The following ACYP2 variants were observed in gnomAD, a reference collection of about 807,000 sequenced individuals.
ACYP2 encodes acylphosphatase-2.
In ACYP2, 12 loss-of-function variants were observed where a neutral mutation model predicts 11.2. The ratio of observed to expected loss-of-function variants is 1.08; its 90% confidence interval spans 0.69 to 1.74. The LOEUF (loss-of-function observed/expected upper bound fraction) is 1.74, where lower values mean the gene tolerates loss of function less well. Ranked by LOEUF, ACYP2 falls within the 40% of genes most tolerant of loss-of-function variation. The pLI, the probability that ACYP2 is intolerant of heterozygous loss-of-function variation, is 0.00. For synonymous variants in ACYP2, 43 were observed against 32.2 expected, an observed-to-expected ratio of 1.33 and a Z score of -1.13; for missense variants, 134 against 101.9, an observed-to-expected ratio of 1.31 and a Z score of -1.35.
At chr2:54,272,838 C>A (rs1325601339) in intron 6 of ACYP2, among the ~76,000 whole-genome samples, 1 of 152,194 alleles carries the variant, frequency 6.6e-6, no homozygotes, top group African/African-American at 2.4e-5. Context: ...GCTTTTCCTA[C>A]AAGAGAGACT....
chr2:54,270,359 C>T (rs569180875), intron 6 of ACYP2, among the ~76,000 whole-genome samples: 1 of 152,276 alleles, frequency 6.6e-6, no homozygotes, highest in Non-Finnish European at 1.5e-5. Flanking sequence ...CTCTTTAATG[C>T]ACTATGATCT....
At chr2:54,183,680 A>T (rs1683843980) in intron 6 of ACYP2, among the ~76,000 whole-genome samples, 1 of 152,236 alleles carries the variant, frequency 6.6e-6, no homozygotes, top group African/African-American at 2.4e-5. Context: ...AATGTGAAAT[A>T]TTAAATTATA....
chr2:54,274,716 C>T (rs1247537504), intron 6 of ACYP2, among the ~76,000 whole-genome samples: 2 of 148,230 alleles, frequency 1.3e-5, no homozygotes, highest in African/African-American at 5.0e-5. Context: ...AATCACTTAA[C>T]CTTAGAATGT....
chr2:53,981,580 A>G (rs922690164), intron 2 of ACYP2, among the ~76,000 whole-genome samples: 5 of 152,100 alleles, frequency 3.3e-5, no homozygotes, highest in African/African-American at 7.2e-5. Context: ...GATACTTTCA[A>G]TTTTCCATTT....
chr2:54,097,569 T>C (rs534307183), intron 4 of ACYP2, among the ~76,000 whole-genome samples: 1 of 152,296 alleles, frequency 6.6e-6, no homozygotes, highest in South Asian at 2.1e-4. Context: ...TATAATATTT[T>C]GGAAATTTTC....
At chr2:54,218,535 T>C (rs994740589) in intron 6 of ACYP2, among the ~76,000 whole-genome samples, 9 of 152,196 alleles carry the variant, frequency 5.9e-5, no homozygotes, top group Non-Finnish European at 1.3e-4. Flanking sequence ...TTAAAATTTT[T>C]ATTCATAAAA....
intron 2 of ACYP2, among the ~76,000 whole-genome samples, chr2:54,003,355 G>A (rs1672894384): frequency 2.0e-5 from 3 of 151,576 alleles, no homozygotes; most frequent in Admixed American, 2.0e-4. Flanking sequence ...CGCCTCCCAA[G>A]TTCAAGCGAT....
At chr2:54,154,052 G>GT (rs879355751) in intron 6 of ACYP2, among the ~76,000 whole-genome samples, 2,293 of 144,492 alleles carry the variant, frequency 0.016, 18 homozygotes, top group Middle Eastern at 0.037. Flanking sequence ...TTCTCCTAAG[G>GT]TTTTTTTTTT....
At chr2:54,143,733 GTTTTT>G (rs545149069) in intron 6 of ACYP2, among the ~76,000 whole-genome samples, 9,130 of 78,028 alleles carry the variant, frequency 0.12, 948 homozygotes, top group East Asian at 0.42. Context: ...TACCCAGCCG[GTTTTT>G]TTTTTTTTTT....
chr2:54,068,274 C>CCTACCTTATAAAAGAT (rs1271458032), intron 4 of ACYP2, among the ~76,000 whole-genome samples: 2 of 152,152 alleles, frequency 1.3e-5, no homozygotes, highest in Non-Finnish European at 2.9e-5. Flanking sequence ...AGTATATCTT[C>CCTACCTTATAAAAGAT]CTACCTTATA....
chr2:54,186,207 T>G (rs541783736), intron 6 of ACYP2, among the ~76,000 whole-genome samples: 2 of 152,234 alleles, frequency 1.3e-5, no homozygotes, highest in African/African-American at 2.4e-5. Context: ...ATTGTTCGCT[T>G]TAAAATGTTG....
chr2:54,257,297 G>A (rs966591206), intron 6 of ACYP2, among the ~76,000 whole-genome samples: 1 of 152,192 alleles, frequency 6.6e-6, no homozygotes, highest in Non-Finnish European at 1.5e-5. Context: ...TGATTTTTAT[G>A]AGTGGGGTCA....
intron 3 of ACYP2, chr2:54,051,322 C>T: frequency 1.3e-6 from 1 of 765,226 alleles, no homozygotes; most frequent in Non-Finnish European, 2.4e-6. Context: ...CAGTCAACTT[C>T]TCAGAGTTTT....
At chr2:54,267,032 T>G (rs1403378035) in intron 6 of ACYP2, among the ~76,000 whole-genome samples, 1 of 152,192 alleles carries the variant, frequency 6.6e-6, no homozygotes, top group Non-Finnish European at 1.5e-5. Context: ...CTCTGAGCCA[T>G]TCTCAGCTAC....
At chr2:54,197,985 T>C (rs528134257) in intron 6 of ACYP2, among the ~76,000 whole-genome samples, 3 of 138,842 alleles carry the variant, frequency 2.2e-5, no homozygotes, top group Non-Finnish European at 4.5e-5. Context: ...TTGTATTGTA[T>C]TGTATTGTAT....
At chr2:54,041,248 GCGGTGGCCTTTTCT>G (rs1263675592) in intron 2 of ACYP2, among the ~76,000 whole-genome samples, 2 of 151,874 alleles carry the variant, frequency 1.3e-5, no homozygotes, top group Non-Finnish European at 2.9e-5. Flanking sequence ...CGCCCGGCCA[GCGGTGGCCTTTTCT>G]AGGGGCACAG....
At chr2:54,123,870 C>T (rs1029785523) in intron 4 of ACYP2, among the ~76,000 whole-genome samples, 14 of 152,160 alleles carry the variant, frequency 9.2e-5, no homozygotes, top group Admixed American at 2.0e-4. Flanking sequence ...ACCAGTGATA[C>T]GGCTTACATT....
chr2:54,096,543 A>T (rs2103693046), intron 4 of ACYP2, among the ~76,000 whole-genome samples: 1 of 152,244 alleles, frequency 6.6e-6, no homozygotes, highest in African/African-American at 2.4e-5. Context: ...CCTGGGCACC[A>T]CTGAGCACTG....
chr2:54,250,581 C>T (rs1233202191), intron 6 of ACYP2, among the ~76,000 whole-genome samples: 1 of 152,112 alleles, frequency 6.6e-6, no homozygotes, highest in Non-Finnish European at 1.5e-5. Flanking sequence ...TATATGGATG[C>T]CACTTAAAAT....
Sources: allele counts gnomAD v4.1 joint callset (sites outside exome capture counted in the v4.1 genomes callset), GRCh38; gene constraint gnomAD v4.1.1; transcripts MANE v1.5; gene names NCBI Gene and HGNC (gene_info 2026-07-23, HGNC 2026-07-21).